PRKCE: variants seen among roughly 807,000 people sequenced by gnomAD.
PRKCE encodes the protein protein kinase C epsilon type.
A neutral mutation model predicts 85.4 loss-of-function variants in PRKCE; 16 were observed. The observed-to-expected ratio is 0.19, with a 90% confidence interval of 0.13 to 0.28. The LOEUF (loss-of-function observed/expected upper bound fraction) is 0.28. PRKCE is among the 10% of genes least tolerant of loss of function. The pLI is 1.00. For missense variants in PRKCE, 573 were observed against 975.2 expected, an observed-to-expected ratio of 0.59 and a Z score of 5.49; for synonymous variants, 388 against 371.5, an observed-to-expected ratio of 1.04 and a Z score of -0.51.
chr2:45,859,040 CTAAATAAA>C (rs3045334), intron 2 of PRKCE, among the ~76,000 whole-genome samples: 43,976 of 135,104 alleles, frequency 0.33, 7,091 homozygotes, highest in Non-Finnish European at 0.35. Flanking sequence ...GACTCCATCT[CTAAATAAA>C]TAAATAAATA....
chr2:46,024,390 G>A (rs575521942), intron 10 of PRKCE, among the ~76,000 whole-genome samples: 6 of 151,200 alleles, frequency 4.0e-5, no homozygotes, highest in East Asian at 3.9e-4. Context: ...TTACCATGAC[G>A]TTCCAGGGAG....
At chr2:45,724,841 G>A (rs1680919625) in intron 1 of PRKCE, among the ~76,000 whole-genome samples, 1 of 152,178 alleles carries the variant, frequency 6.6e-6, no homozygotes, top group South Asian at 2.1e-4. Flanking sequence ...AGCTAGCAGA[G>A]GCTAGTTTAT....
intron 2 of PRKCE, among the ~76,000 whole-genome samples, chr2:45,844,459 A>G (rs1379196971): frequency 6.6e-6 from 1 of 152,228 alleles, no homozygotes; most frequent in African/African-American, 2.4e-5. Context: ...GACCTACAAA[A>G]GGGCATAAAG....
chr2:46,157,950 T>C (rs896765671), intron 13 of PRKCE, among the ~76,000 whole-genome samples: 1 of 152,214 alleles, frequency 6.6e-6, no homozygotes, highest in Non-Finnish European at 1.5e-5. Context: ...ATTTGTATCA[T>C]AGAAGTATGC....
intron 1 of PRKCE, among the ~76,000 whole-genome samples, chr2:45,662,763 T>C (rs769877225): frequency 6.6e-6 from 1 of 152,116 alleles, no homozygotes; most frequent in African/African-American, 2.4e-5. Context: ...GATAGCTTGC[T>C]TCTTTACCTA....
chr2:46,010,282 T>G, intron 9 of PRKCE, 62 bp from the exon 10 acceptor site: 1 of 1,483,624 alleles, frequency 6.7e-7, no homozygotes, highest in Non-Finnish European at 9.0e-7. Context: ...TGGTATTAGC[T>G]TACACTTCTT....
At chr2:45,800,816 C>A (rs528798824) in intron 1 of PRKCE, among the ~76,000 whole-genome samples, 1 of 152,208 alleles carries the variant, frequency 6.6e-6, no homozygotes, top group South Asian at 2.1e-4. Context: ...ATCTCCTATG[C>A]ACCATGCACT....
intron 2 of PRKCE, among the ~76,000 whole-genome samples, chr2:45,921,914 G>C (rs1021143505): frequency 4.6e-5 from 7 of 152,092 alleles, no homozygotes; most frequent in Non-Finnish European, 1.0e-4. Context: ...TTTGATATTT[G>C]GTTTAGTAGT....
chr2:45,785,883 G>A lies in PRKCE; in HGVS notation c.349-57117G>A, dbSNP rs372089050. 7.2e-5 allele frequency among the ~76,000 whole-genome samples: 11 copies of A among 152,234 alleles called. No individual in the cohort carries two copies. In the East Asian group the frequency reaches 1.4e-3, roughly 19 times the overall value. On this transcript the variant is annotated intron_variant, in intron 1 of 14. Coordinates refer to ENST00000306156, the MANE Select transcript of PRKCE (RefSeq NM_005400.3). ...GAACCTCTGCCTCACATGCAGCACC[G>A]GGCAGACTGAGCTGTTGGAGTAAGA... is the stretch of plus-strand genomic sequence containing the variant.
chr2:45,796,422 T>G (rs1687439904), intron 1 of PRKCE, among the ~76,000 whole-genome samples: 1 of 152,254 alleles, frequency 6.6e-6, no homozygotes, highest in Non-Finnish European at 1.5e-5. Context: ...ATATACATTA[T>G]GAGAACAATG....
intron 2 of PRKCE, among the ~76,000 whole-genome samples, chr2:45,909,360 A>G (rs1490760374): frequency 2.0e-5 from 3 of 152,228 alleles, no homozygotes; most frequent in Non-Finnish European, 2.9e-5. Flanking sequence ...TTTTCTCATT[A>G]GAGCTGATAT....
intron 1 of PRKCE, chr2:45,674,650 T>G (rs1676336155): frequency 6.6e-6 from 1 of 152,216 alleles, no homozygotes; most frequent in African/African-American, 2.4e-5. Flanking sequence ...CATAAATTAC[T>G]GAGGAATTTT....
chr2:45,882,414 C>T (rs1158337772), intron 2 of PRKCE, among the ~76,000 whole-genome samples: 1 of 152,214 alleles, frequency 6.6e-6, no homozygotes, highest in Non-Finnish European at 1.5e-5. Flanking sequence ...TGTCCGCAGT[C>T]TCATAGTAGT....
chr2:45,840,239 TA>T (rs1335230161), intron 1 of PRKCE: 1 of 152,234 alleles, frequency 6.6e-6, no homozygotes, highest in African/African-American at 2.4e-5. Context: ...ATCTAATCTC[TA>T]AAAGGCATAC....
intron 10 of PRKCE, among the ~76,000 whole-genome samples, chr2:46,027,331 A>G (rs540725942): frequency 2.0e-5 from 3 of 152,216 alleles, no homozygotes; most frequent in East Asian, 1.9e-4. Flanking sequence ...GTGAGACCCT[A>G]TCTCAAAAAA....
At chr2:46,167,738 A>AC (rs1248038754) in intron 14 of PRKCE, 35 of 147,898 alleles carry the variant, frequency 2.4e-4, no homozygotes, top group East Asian at 2.0e-4. Context: ...TTTTCTCAGC[A>AC]CCCCCCACCC....
chr2:45,788,687 G>T (rs186192961), intron 1 of PRKCE, among the ~76,000 whole-genome samples: 3 of 152,292 alleles, frequency 2.0e-5, no homozygotes, highest in African/African-American at 7.2e-5. Flanking sequence ...GGGACACTCC[G>T]TCTGAAAGGG....
At chr2:46,107,642 G>A (rs535327565) in intron 11 of PRKCE, among the ~76,000 whole-genome samples, 76 of 152,346 alleles carry the variant, frequency 5.0e-4, no homozygotes, top group African/African-American at 1.8e-3. Context: ...AAACTGTCTT[G>A]CAAAGTGGCT....
chr2:45,881,021 C>T (rs1448320302), intron 2 of PRKCE, among the ~76,000 whole-genome samples: 3 of 151,156 alleles, frequency 2.0e-5, no homozygotes, highest in African/African-American at 2.4e-5. Context: ...GGCGTAGTGG[C>T]GGGCGCCTGT....
Sources: allele counts gnomAD v4.1 joint callset (sites outside exome capture counted in the v4.1 genomes callset), GRCh38; gene constraint gnomAD v4.1.1; transcripts MANE v1.5; gene names NCBI Gene and HGNC (gene_info 2026-07-23, HGNC 2026-07-21).